Variants in PRKAG2 observed in about 807,000 individuals in gnomAD.
PRKAG2 encodes protein kinase AMP-activated non-catalytic subunit gamma 2, also known as 5'-AMP-activated protein kinase subunit gamma-2.
In PRKAG2, 26 loss-of-function variants were observed where a neutral mutation model predicts 69.6. The observed-to-expected ratio is 0.37, with a 90% confidence interval of 0.27 to 0.52. PRKAG2 has a LOEUF of 0.52. Among genes scored for constraint, PRKAG2 ranks in the 20% least tolerant of loss-of-function variants. PRKAG2 has a pLI of 0.90. For missense variants in PRKAG2, 557 were observed against 740.0 expected, an observed-to-expected ratio of 0.75 and a Z score of 2.87; for synonymous variants, 293 against 285.0, an observed-to-expected ratio of 1.03 and a Z score of -0.28.
chr7:151,565,896 G>A lies in PRKAG2; in HGVS notation c.1234-11C>T, dbSNP rs1264866149. The A allele has an allele frequency of 6.2e-7, 1 of 1,611,390 alleles. No individual in the cohort carries two copies. The highest frequency in any genetic ancestry group is 8.5e-7 in the Non-Finnish European group (1 of 1,177,600). ...TGGCATATCAGACATCTAAACGGAA[G>A]ATAAACGCAAACGTTCTAGACCCAG... On this transcript the variant is annotated splice_polypyrimidine_tract_variant and intron_variant, in intron 11 of 15. Transcript: ENST00000287878.
intron 3 of PRKAG2, among the ~76,000 whole-genome samples, chr7:151,717,723 G>A (rs774558303): frequency 3.3e-5 from 5 of 152,164 alleles, no homozygotes; most frequent in Non-Finnish European, 5.9e-5. Context: ...GGATGAAAAA[G>A]CTTTGGATCT....
At chr7:151,656,641 T>C (rs958575238) in intron 4 of PRKAG2, among the ~76,000 whole-genome samples, 2 of 152,232 alleles carry the variant, frequency 1.3e-5, no homozygotes, top group African/African-American at 2.4e-5. Flanking sequence ...CATAAACCTT[T>C]GAAGGATTGA....
chr7:151,694,039 T>A (rs972601650), intron 3 of PRKAG2, among the ~76,000 whole-genome samples: 7 of 152,092 alleles, frequency 4.6e-5, no homozygotes, highest in African/African-American at 1.7e-4. Context: ...ACCCAGCTAA[T>A]TTTTTTCTAT....
Position 151,576,435 on chromosome 7 carries a change from A to T in PRKAG2, c.882T>A (p.Phe294Leu), listed in dbSNP as rs1554465561. 1 of 1,607,258 alleles carries T rather than the reference A, an allele frequency of 6.2e-7. No homozygotes were observed. The highest frequency in any genetic ancestry group is 1.3e-5 in the African/African-American group (1 of 74,884). ...DTTLQVKKAF[F>L]ALVANGVRAA... ...CTCGGACACCGTTGGCTACCAAAGC[A>T]AAGAAGGCCTTTTTAACCTGAAGAA... is the stretch of plus-strand genomic sequence containing the variant. Residue 294 changes from phenylalanine (F) to leucine (L), a missense_variant, in exon 7 of 16, where the codon TTT becomes TTA. Physicochemically the swap from Phe to Leu is conservative, Grantham distance 22. Coordinates refer to ENST00000287878, the MANE Select transcript of PRKAG2 (RefSeq NM_016203.4).
chr7:151,773,612 C>T (rs1394603584), intron 3 of PRKAG2, among the ~76,000 whole-genome samples: 4 of 152,220 alleles, frequency 2.6e-5, no homozygotes, highest in African/African-American at 9.6e-5. Flanking sequence ...CAAAATTTAG[C>T]AACACGACAT....
chr7:151,785,027 C>T (rs2076933169), intron 2 of PRKAG2, among the ~76,000 whole-genome samples: 1 of 152,246 alleles, frequency 6.6e-6, no homozygotes, highest in South Asian at 2.1e-4. Flanking sequence ...GGGCCTCAGG[C>T]CTTGCTCTTG....
chr7:151,725,894 C>G (rs1219939776), intron 3 of PRKAG2, among the ~76,000 whole-genome samples: 2 of 152,124 alleles, frequency 1.3e-5, no homozygotes, highest in African/African-American at 4.8e-5. Flanking sequence ...CCCTCCCCCA[C>G]TTTGATTTTC....
At chr7:151,874,901 A>C (rs901811946) in intron 1 of PRKAG2, among the ~76,000 whole-genome samples, 1 of 152,204 alleles carries the variant, frequency 6.6e-6, no homozygotes, top group South Asian at 2.1e-4. Flanking sequence ...AACAAAAAAA[A>C]CAATAAAAAA....
chr7:151,623,816 G>A (rs181980937), intron 5 of PRKAG2, among the ~76,000 whole-genome samples: 1,527 of 152,158 alleles, frequency 0.01, 23 homozygotes, highest in African/African-American at 0.03. Context: ...GGGTTACATC[G>A]TATGTATGTA....
chr7:151,577,194 C>T (rs923611015), intron 6 of PRKAG2, among the ~76,000 whole-genome samples: 27 of 151,708 alleles, frequency 1.8e-4, no homozygotes, highest in Non-Finnish European at 3.8e-4. Context: ...TTCTCAGTTC[C>T]CAAGGTTGAG....
chr7:151,820,687 G>A (rs936211483), intron 1 of PRKAG2, among the ~76,000 whole-genome samples: 6 of 152,230 alleles, frequency 3.9e-5, no homozygotes, highest in African/African-American at 1.4e-4. Context: ...GTCTCCCACA[G>A]GGTCAATGTC....
chr7:151,630,548 G>A (rs915493295), intron 5 of PRKAG2, among the ~76,000 whole-genome samples: 3 of 152,252 alleles, frequency 2.0e-5, no homozygotes, highest in Non-Finnish European at 4.4e-5. Flanking sequence ...CCAAGGCACA[G>A]AGAGGTTAAG....
In PRKAG2 at chr7:151,807,809, C is replaced by G. The variant is rs373983118; in HGVS notation, c.115-21268G>C. 1.1e-4 allele frequency among the ~76,000 whole-genome samples: 17 copies of G among 152,064 alleles called. No homozygotes were observed. Among genetic ancestry groups the G allele is most frequent in the Non-Finnish European group, 2.4e-4 (16 of 68,012 alleles). ...ATTGGATTAGCTACTCTCAGAAGAC[C>G]CAAAAGGCATAGGGGAGAGAAGAGA... On this transcript the variant is annotated intron_variant, in intron 1 of 15. Coordinates refer to ENST00000287878, the MANE Select transcript of PRKAG2 (RefSeq NM_016203.4). This position sits in a 1 kb window ranked among gnomAD's most constrained non-coding sequence, Gnocchi z 4.4.
intron 3 of PRKAG2, among the ~76,000 whole-genome samples, chr7:151,773,638 G>A (rs1346660583): frequency 1.3e-5 from 2 of 152,204 alleles, no homozygotes; most frequent in African/African-American, 4.8e-5. Flanking sequence ...CATTCTGGAG[G>A]TCCTGCCTTG....
chr7:151,757,385 G>A (rs1371631571), intron 3 of PRKAG2, among the ~76,000 whole-genome samples: 6 of 152,172 alleles, frequency 3.9e-5, no homozygotes, highest in Non-Finnish European at 7.3e-5. Flanking sequence ...AGACTCATTC[G>A]AATTTCAAAC....
intron 2 of PRKAG2, among the ~76,000 whole-genome samples, 189 bp downstream of exon 2, chr7:151,786,281 C>CT (rs2077000899): frequency 6.6e-6 from 1 of 152,200 alleles, no homozygotes; most frequent in Non-Finnish European, 1.5e-5. Flanking sequence ...GTGGGATAGC[C>CT]CGGCCGATAC....
intron 5 of PRKAG2, among the ~76,000 whole-genome samples, chr7:151,629,514 TGTCGTG>T (rs563425093): frequency 6.6e-6 from 1 of 152,262 alleles, no homozygotes; most frequent in Admixed American, 6.5e-5. Flanking sequence ...ATGTCCCTCT[TGTCGTG>T]GTAAGAAGGG....
chr7:151,565,703 G>T lies in PRKAG2; in HGVS notation c.1399+17C>A, dbSNP rs774651871. 3 of 1,608,626 alleles carry T rather than the reference G, an allele frequency of 1.9e-6. No homozygotes were observed. Among genetic ancestry groups the T allele is most frequent in the South Asian group, 1.1e-5 (1 of 90,940 alleles). ...GATAAACAATTATTTCTGCCTGTCA[G>T]CGCCAAACACACAAACCTGACTCAT... On this transcript the variant is annotated intron_variant, in intron 12 of 15. Transcript: ENST00000287878.
chr7:151,858,865 C>T (rs886740556), intron 1 of PRKAG2, among the ~76,000 whole-genome samples: 1 of 152,152 alleles, frequency 6.6e-6, no homozygotes, highest in Non-Finnish European at 1.5e-5. Context: ...ATGAACGGAA[C>T]ACGAATTCTG....
Sources: allele counts gnomAD v4.1 joint callset (sites outside exome capture counted in the v4.1 genomes callset), GRCh38; gene constraint gnomAD v4.1.1; non-coding constraint Gnocchi (gnomAD v3.1); transcripts MANE v1.5; gene names NCBI Gene and HGNC (gene_info 2026-07-23, HGNC 2026-07-21).